The following CZIB variants were observed in gnomAD, a reference collection of about 807,000 sequenced individuals.
CZIB encodes the protein UPF0587 protein C1orf123.
A neutral mutation model predicts 28.3 loss-of-function variants in CZIB; 26 were observed. The ratio of observed to expected loss-of-function variants is 0.92; its 90% CI spans 0.67 to 1.27. The LOEUF (loss-of-function observed/expected upper bound fraction) is 1.27. Among genes scored for constraint, CZIB ranks in the 50% most tolerant of loss-of-function variants. CZIB has a pLI of 0.00. For synonymous variants in CZIB, 78 were observed against 71.1 expected (o/e 1.10, Z -0.49); for missense variants, 179 against 197.3 (o/e 0.91, Z 0.56).
chr1:53,218,992 C>T, intron 2 of CZIB, 69 bp from the exon 3 acceptor site: 1 of 1,370,946 alleles, frequency 7.3e-7, no homozygotes, highest in South Asian at 1.2e-5. Flanking sequence ...AGGGTAAGAA[C>T]AGTGGGAGGT....
At chr1:53,220,454 CCTCCTG>C in intron 1 of CZIB, 110 bp from the exon 2 acceptor site, 1 of 1,570,484 alleles carries the variant, frequency 6.4e-7, no homozygotes. Flanking sequence ...ACTCCTTCTG[CCTCCTG>C]CTCCTTCAGC....
intron 3 of CZIB, 131 bp downstream of exon 3, chr1:53,218,736 T>C: frequency 1.0e-6 from 1 of 961,548 alleles, no homozygotes; most frequent in Non-Finnish European, 1.6e-6. Flanking sequence ...CACTGACACC[T>C]ACCCTCCCAA....
intron 6 of CZIB, among the ~76,000 whole-genome samples, 161 bp downstream of exon 6, chr1:53,216,621 A>G (rs986706529): frequency 6.6e-6 from 1 of 152,232 alleles, no homozygotes; most frequent in Non-Finnish European, 1.5e-5. Flanking sequence ...AAATGATGGC[A>G]TGGGTGCCCA....
chr1:53,218,060 T>C, intron 5 of CZIB, 112 bp downstream of exon 5: 2 of 1,131,404 alleles, frequency 1.8e-6, no homozygotes, highest in Non-Finnish European at 2.6e-6. Flanking sequence ...AGTTCATGAG[T>C]GAATGTCCTA....
intron 2 of CZIB, 99 bp from the exon 3 acceptor site, chr1:53,219,022 C>T (rs955077784): frequency 5.0e-6 from 5 of 995,380 alleles, no homozygotes; most frequent in Non-Finnish European, 8.0e-6. Context: ...CATGATCTAC[C>T]TTCTTGATGG....
chr1:53,216,721 G>A, intron 6 of CZIB, 61 bp downstream of exon 6: 1 of 1,436,110 alleles, frequency 7.0e-7, no homozygotes, highest in South Asian at 1.1e-5. Context: ...CACAGTTCTG[G>A]CTGTCACTTC....
rs1645511889 is a variant in CZIB, at chr1:53,220,264, C to G, written c.87G>C (p.Leu29=). Residue 29 remains leucine (L), a synonymous_variant, in exon 2 of 8, where the codon CTG becomes CTC. Coordinates refer to ENST00000294360, the MANE Select transcript of CZIB (RefSeq NM_017887.3). ...CCGGGCCCCGCCCCGGCCGCACCTT[C>G]AGGTACCACCGGAAGTCCTCGCCCA... ...RPVGEDFRWY[L]KMKCGNCGEI... is the part of the protein sequence containing the mutation. 1.2e-6 allele frequency: 2 copies of G among 1,613,126 alleles called. No homozygotes were observed. Among genetic ancestry groups the G allele is most frequent in the African/African-American group, 2.7e-5 (2 of 74,934 alleles).
Position 53,218,428 on chromosome 1 carries a change from C to T in CZIB, c.215G>A (p.Arg72Lys). The part of the protein sequence containing the change: ...SMVQKCKLCA[R>K]ENSIEILSST... Reference sequence around the variant, plus strand: ...GCCTGACCTACCGATGGAATTTTCTCTTGCACACAGCTTGCACTTCTGGAC... The same window carrying T: ...GCCTGACCTACCGATGGAATTTTCTTTTGCACACAGCTTGCACTTCTGGAC... The change falls in exon 4 of 8, where the codon AGA becomes AAA. Residue 72 changes from arginine to lysine, a missense_variant. Arg to Lys is a conservative substitution (Grantham distance 26). Coordinates refer to ENST00000294360, the MANE Select transcript of CZIB (RefSeq NM_017887.3). 1 of 1,614,224 alleles carries T rather than the reference C, an allele frequency of 6.2e-7. No homozygotes were observed. The highest frequency in any genetic ancestry group is 8.5e-7 in the Non-Finnish European group (1 of 1,180,036).
At chr1:53,215,018 G>A (rs931609335) in intron 7 of CZIB, among the ~76,000 whole-genome samples, 1 of 152,184 alleles carries the variant, frequency 6.6e-6, no homozygotes, top group Admixed American at 6.5e-5. Context: ...ATTGAATGTT[G>A]AAAGAATCAA....
At chr1:53,215,593 T>C (rs1329699109) in intron 7 of CZIB, among the ~76,000 whole-genome samples, 1 of 152,230 alleles carries the variant, frequency 6.6e-6, no homozygotes, top group Non-Finnish European at 1.5e-5. Flanking sequence ...GAATACTGAA[T>C]GAATACTCCC....
intron 3 of CZIB, 56 bp downstream of exon 3, chr1:53,218,811 G>T: frequency 6.6e-7 from 1 of 1,518,050 alleles, no homozygotes; most frequent in Non-Finnish European, 9.1e-7. Context: ...TCCCTGCCCA[G>T]AAGTGTATGT....
In CZIB at chr1:53,218,490, A is replaced by T. The variant is rs1267880409; in HGVS notation, c.153T>A (p.Ser51Arg). The T allele has an allele frequency of 1.2e-6, 2 of 1,614,172 alleles. No homozygotes were observed. The highest frequency in any genetic ancestry group is 3.3e-5 in the Admixed American group (2 of 60,020). ...DKWQYIRLMD[S>R]VALKGGRGSA... ...TGCCACGGCCCCCCTTCAGTGCCAC[A>T]CTGTCCTGGCAAAAAGCAAACAGAA... The change falls in exon 4 of 8, where the codon AGT (serine) becomes AGA (arginine). Residue 51 changes from serine to arginine, a missense_variant. Coordinates refer to ENST00000294360, the MANE Select transcript of CZIB (RefSeq NM_017887.3).
At position 53,216,834 on chromosome 1, in the gene CZIB, G is replaced by A. The variant is rs367686648; in HGVS notation, c.287C>T (p.Thr96Ile). 1.9e-6 allele frequency: 3 copies of A among 1,614,040 alleles called. No individual in the cohort carries two copies. In the African/African-American group the frequency reaches 4.0e-5, roughly 22 times the overall value. Residue 96 changes from threonine (T) to isoleucine (I), a missense_variant, in exon 6 of 8, where the codon ACA (threonine) becomes ATA (isoleucine). Physicochemically the swap from Thr to Ile is moderately conservative, Grantham distance 89 (BLOSUM62 -1). Coordinates refer to ENST00000294360, the MANE Select transcript of CZIB (RefSeq NM_017887.3). The stretch of plus-strand genomic sequence containing the variant: ...GCCCCGGCACTCAAACTCCACTATT[G>A]TCTTGAAGTTCTCATTGTCTTCAGC... The part of the protein sequence containing the change: ...YNAEDNENFK[T>I]IVEFECRGLE...
At chr1:53,218,534 T>A (rs1012254961) in intron 3 of CZIB, 39 bp from the exon 4 acceptor site, 1 of 1,594,330 alleles carries the variant, frequency 6.3e-7, no homozygotes, top group African/African-American at 1.3e-5. Flanking sequence ...CACATATGAA[T>A]TAGATGTACA....
intron 3 of CZIB, 180 bp from the exon 4 acceptor site, chr1:53,218,675 T>C: frequency 1.2e-6 from 1 of 806,126 alleles, no homozygotes; most frequent in Non-Finnish European, 2.0e-6. Flanking sequence ...CCCCTTGATT[T>C]TGAACTCTGC....
At chr1:53,218,122 C>T (rs376808171) in intron 5 of CZIB, 50 bp downstream of exon 5, 46 of 1,594,006 alleles carry the variant, frequency 2.9e-5, no homozygotes, top group Non-Finnish European at 3.7e-5. Flanking sequence ...CCTACTAACT[C>T]CAGTTAGGAT....
At chr1:53,220,472 C>T (rs1475329489) in intron 1 of CZIB, 98 bp downstream of exon 1, 7 of 1,580,698 alleles carry the variant, frequency 4.4e-6, no homozygotes, top group South Asian at 1.1e-5. Context: ...TCCTTCAGCG[C>T]GCACCCACTC....
At chr1:53,218,806 G>A (rs1645491180) in intron 3 of CZIB, 61 bp downstream of exon 3, 1 of 1,508,090 alleles carries the variant, frequency 6.6e-7, no homozygotes, top group Non-Finnish European at 9.2e-7. Flanking sequence ...CCAAATCCCT[G>A]CCCAGAAGTG....
intron 2 of CZIB, 138 bp downstream of exon 2, chr1:53,220,123 C>T: frequency 1.4e-6 from 1 of 735,178 alleles, no homozygotes; most frequent in Non-Finnish European, 2.2e-6. Context: ...AGAAAGCAAA[C>T]GTAAAATTCT....
Sources: allele counts gnomAD v4.1 joint callset (sites outside exome capture counted in the v4.1 genomes callset), GRCh38; gene constraint gnomAD v4.1.1; transcripts MANE v1.5; gene names NCBI Gene and HGNC (gene_info 2026-07-23, HGNC 2026-07-21).